The following PARD3 variants were observed in gnomAD, a reference collection of about 807,000 sequenced individuals.
PARD3 encodes the protein par-3 family cell polarity regulator, also known as partitioning defective 3 homolog.
PARD3 carries 75 observed loss-of-function variants against 155.4 expected under a neutral mutation model. That is an observed-to-expected ratio of 0.48 (90% CI 0.40 to 0.58). PARD3 has a LOEUF of 0.58. Among genes scored for constraint, PARD3 ranks in the 20% least tolerant of loss-of-function variants. PARD3 has a pLI of 0.00. For synonymous variants in PARD3, 576 were observed against 610.5 expected, an observed-to-expected ratio of 0.94 and a Z score of 0.83; for missense variants, 1,642 against 1,721.7, an observed-to-expected ratio of 0.95 and a Z score of 0.82.
intron 4 of PARD3, among the ~76,000 whole-genome samples, chr10:34,467,318 A>G (rs1295265011): frequency 7.0e-6 from 1 of 143,636 alleles, no homozygotes; most frequent in Admixed American, 7.0e-5. Flanking sequence ...TGAACATAGC[A>G]TGACTCCAAC....
At chr10:34,448,734 G>T (rs1482567699) in intron 5 of PARD3, among the ~76,000 whole-genome samples, 1 of 152,006 alleles carries the variant, frequency 6.6e-6, no homozygotes, top group African/African-American at 2.4e-5. Context: ...GAGCCTAGAA[G>T]TTCGAGGCTG....
intron 1 of PARD3, among the ~76,000 whole-genome samples, chr10:34,799,388 T>C (rs1842636253): frequency 6.6e-6 from 1 of 151,854 alleles, no homozygotes; most frequent in Non-Finnish European, 1.5e-5. Context: ...GCCCCGAGAT[T>C]GTACATTTCC....
intron 22 of PARD3, among the ~76,000 whole-genome samples, chr10:34,192,747 G>A (rs538876518): frequency 1.4e-4 from 21 of 152,158 alleles, no homozygotes; most frequent in African/African-American, 4.6e-4. Context: ...TAAGATCCAG[G>A]GATAACTAGA....
At chr10:34,813,463 T>C (rs899795777) in intron 1 of PARD3, among the ~76,000 whole-genome samples, 1 of 152,164 alleles carries the variant, frequency 6.6e-6, no homozygotes, top group African/African-American at 2.4e-5. Context: ...TTTGTCAGCT[T>C]TGCAAGATAA....
chr10:34,814,470 C>T (rs1481729657), intron 1 of PARD3, among the ~76,000 whole-genome samples: 1 of 152,152 alleles, frequency 6.6e-6, no homozygotes, highest in African/African-American at 2.4e-5. Flanking sequence ...CCTGTGCCCC[C>T]GGGGCCTGGG....
chr10:34,302,830 C>T (rs991668287), intron 20 of PARD3, among the ~76,000 whole-genome samples: 7 of 152,144 alleles, frequency 4.6e-5, no homozygotes, highest in South Asian at 2.1e-4. Context: ...TTCTAGTCTG[C>T]GCTAGGCCCA....
chr10:34,399,920 A>G (rs1369399806), intron 6 of PARD3, among the ~76,000 whole-genome samples: 1 of 152,202 alleles, frequency 6.6e-6, no homozygotes, highest in Non-Finnish European at 1.5e-5. Context: ...TATATGTCAC[A>G]TCATTAATCC....
intron 2 of PARD3, among the ~76,000 whole-genome samples, chr10:34,651,390 T>C (rs1304406365): frequency 6.6e-6 from 1 of 152,180 alleles, no homozygotes; most frequent in Non-Finnish European, 1.5e-5. Flanking sequence ...GGAAGAAGCC[T>C]GCACATAAAG....
At chr10:34,610,992 G>GT (rs367892196) in intron 2 of PARD3, among the ~76,000 whole-genome samples, 148 of 152,252 alleles carry the variant, frequency 9.7e-4, no homozygotes, top group African/African-American at 3.3e-3. Context: ...GACAGAAAAA[G>GT]TAAGTTGCTT....
chr10:34,654,161 G>C lies in PARD3; in HGVS notation c.222+42157C>G, dbSNP rs571872256. Among the ~76,000 whole-genome samples the C allele has an allele frequency of 7.5e-5, 11 of 146,586 alleles. No individual in the cohort carries two copies. In the South Asian group the frequency reaches 2.4e-3, roughly 32 times the overall value. The stretch of plus-strand genomic sequence containing the variant: ...GTGTAGATAAACACATTTGGTGCCA[G>C]TAAAACTGTAAAAAAAAAAAAAAAA... On this transcript the variant is annotated intron_variant, in intron 2 of 24. Transcript: ENST00000374788.
chr10:34,461,433 T>C (rs2077644221), intron 4 of PARD3, among the ~76,000 whole-genome samples: 2 of 152,148 alleles, frequency 1.3e-5, no homozygotes, highest in East Asian at 3.9e-4. Context: ...GGTGAAACCC[T>C]GGCTCTACTA....
intron 5 of PARD3, among the ~76,000 whole-genome samples, chr10:34,435,650 T>A (rs2076150386): frequency 6.6e-6 from 1 of 152,200 alleles, no homozygotes; most frequent in Non-Finnish European, 1.5e-5. Context: ...TATGTTTACG[T>A]TTGGCAAGAA....
intron 2 of PARD3, among the ~76,000 whole-genome samples, chr10:34,591,794 G>T (rs542519356): frequency 4.6e-5 from 7 of 152,140 alleles, no homozygotes; most frequent in Non-Finnish European, 1.0e-4. Context: ...TAAGCCGGGG[G>T]AGTTTCGATC....
intron 22 of PARD3, among the ~76,000 whole-genome samples, chr10:34,142,652 A>AAGGAAGGC (rs965416526): frequency 7.2e-5 from 11 of 152,032 alleles, no homozygotes; most frequent in East Asian, 5.8e-4. Flanking sequence ...GGAAGGAAGG[A>AAGGAAGGC]AGGAAGGCAG....
chr10:34,481,335 G>C (rs529361523), intron 3 of PARD3, among the ~76,000 whole-genome samples: 22 of 152,208 alleles, frequency 1.4e-4, no homozygotes, highest in Admixed American at 5.9e-4. Flanking sequence ...GAGTGGTTAA[G>C]GGGCATAAGA....
chr10:34,793,382 A>G (rs954609432), intron 1 of PARD3, among the ~76,000 whole-genome samples: 2 of 152,166 alleles, frequency 1.3e-5, no homozygotes, highest in Non-Finnish European at 2.9e-5. Flanking sequence ...AGAAGAGGGC[A>G]GGCTGGGGTC....
chr10:34,756,926 T>G (rs896645354), intron 1 of PARD3, among the ~76,000 whole-genome samples: 5 of 152,216 alleles, frequency 3.3e-5, no homozygotes, highest in Non-Finnish European at 7.3e-5. Context: ...CTTTTCTGCA[T>G]GAATCTTAGT....
At chr10:34,126,049 T>C (rs1947271980) in intron 23 of PARD3, among the ~76,000 whole-genome samples, 1 of 152,206 alleles carries the variant, frequency 6.6e-6, no homozygotes, top group Non-Finnish European at 1.5e-5. Context: ...TATTGTTCCA[T>C]TATCTTAAGA....
At chr10:34,668,124 A>C (rs1053187422) in intron 2 of PARD3, among the ~76,000 whole-genome samples, 1 of 152,234 alleles carries the variant, frequency 6.6e-6, no homozygotes. Flanking sequence ...CAAGAAAAAA[A>C]CAGCTAAGCA....
Sources: gnomAD v4.1 joint callset for allele counts (sites outside exome capture counted in the v4.1 genomes callset) on GRCh38, gnomAD v4.1.1 for gene constraint, MANE v1.5 for transcripts, NCBI Gene and HGNC (gene_info 2026-07-23, HGNC 2026-07-21) for gene names.